PCDHA9: variants seen among roughly 807,000 people sequenced by gnomAD.
PCDHA9 encodes the protein protocadherin alpha-9.
PCDHA9 carries 62 observed loss-of-function variants against 62.0 expected under a neutral mutation model. That is an observed-to-expected ratio of 1.00 (90% CI 0.81 to 1.23). The LOEUF (loss-of-function observed/expected upper bound fraction) is 1.23. PCDHA9 is among the 50% of genes most tolerant of loss of function. The pLI is 0.00. For missense variants in PCDHA9, 1,205 were observed against 1,249.8 expected, an observed-to-expected ratio of 0.96 and a Z score of 0.54; for synonymous variants, 557 against 567.6, an observed-to-expected ratio of 0.98 and a Z score of 0.27.
chr5:140,883,534 A>G, intron 1 of PCDHA9: 1 of 1,614,196 alleles, frequency 6.2e-7, no homozygotes, highest in Non-Finnish European at 8.5e-7. Context: ...CAGCCTATGA[A>G]CTGGTGGTGA....
rs781893598 is a variant in PCDHA9, at chr5:140,850,903, G to T, written c.2394+14G>T. ...TCAACTGGGAAGGTGGGTTTTTCTA[G>T]CATTTTATTTATTTATATAATTTTT... On this transcript the variant is annotated intron_variant, in intron 1 of 3. Transcript: ENST00000532602. 6.4e-7 allele frequency: 1 copy of T among 1,560,860 alleles called. No individual in the cohort carries two copies. The highest frequency in any genetic ancestry group is 8.7e-7 in the Non-Finnish European group (1 of 1,149,432).
At chr5:140,893,575 T>C (rs930167579) in intron 1 of PCDHA9, among the ~76,000 whole-genome samples, 6 of 152,220 alleles carry the variant, frequency 3.9e-5, no homozygotes, top group Non-Finnish European at 7.3e-5. Flanking sequence ...CCTCAGTTTT[T>C]GCTTGTTTGG....
At chr5:140,970,775 C>T (rs2096433002) in intron 1 of PCDHA9, among the ~76,000 whole-genome samples, 1 of 152,160 alleles carries the variant, frequency 6.6e-6, no homozygotes, top group Non-Finnish European at 1.5e-5. Context: ...GCTGTACATA[C>T]ATATTGTATG....
chr5:140,892,993 C>T (rs2063771968), intron 1 of PCDHA9, among the ~76,000 whole-genome samples: 1 of 152,170 alleles, frequency 6.6e-6, no homozygotes, highest in Non-Finnish European at 1.5e-5. Flanking sequence ...TAAGTGAGAA[C>T]ATGTATTTAT....
intron 1 of PCDHA9, among the ~76,000 whole-genome samples, chr5:140,945,159 A>G (rs1341706509): frequency 2.0e-5 from 3 of 152,178 alleles, no homozygotes; most frequent in Non-Finnish European, 4.4e-5. Flanking sequence ...TACACTATTG[A>G]ACTATCTGAA....
Position 141,010,316 on chromosome 5 carries a change from G to T in PCDHA9, c.*379G>T. ...GGGCAGGCTGAAAAGTTTTGAGATT[G>T]AGCAGCTTGGGAGTTTGTGGCCACT... On this transcript the variant is annotated 3_prime_UTR_variant, in exon 4 of 4. Coordinates refer to ENST00000532602, the MANE Select transcript of PCDHA9 (RefSeq NM_031857.2). The T allele has an allele frequency of 1.3e-6, 2 of 1,546,404 alleles. No individual in the cohort carries two copies. The highest frequency in any genetic ancestry group is 2.4e-5 in the South Asian group (2 of 83,328).
intron 1 of PCDHA9, chr5:140,883,550 C>A: frequency 6.2e-7 from 1 of 1,614,188 alleles, no homozygotes; most frequent in Non-Finnish European, 8.5e-7. Flanking sequence ...GGTGACCGCG[C>A]GGGACGGGGG....
intron 1 of PCDHA9, among the ~76,000 whole-genome samples, chr5:140,955,670 T>C (rs1212129993): frequency 6.6e-6 from 1 of 152,140 alleles, no homozygotes; most frequent in East Asian, 1.9e-4. Flanking sequence ...TTTAACATAG[T>C]TTTTTCGAAA....
At chr5:140,857,302 G>A in intron 1 of PCDHA9, 1 of 1,598,652 alleles carries the variant, frequency 6.3e-7, no homozygotes, top group South Asian at 1.1e-5. Flanking sequence ...AGAGGGTGTC[G>A]GCCTATGAGC....
chr5:140,883,905 G>C (rs781818160), intron 1 of PCDHA9: 1 of 1,613,458 alleles, frequency 6.2e-7, no homozygotes, highest in South Asian at 1.1e-5. Flanking sequence ...CCGCCTCTGG[G>C]CAGCAACGTG....
intron 1 of PCDHA9, among the ~76,000 whole-genome samples, chr5:140,886,080 C>A (rs910230815): frequency 3.7e-4 from 56 of 152,268 alleles, no homozygotes; most frequent in African/African-American, 1.2e-3. Flanking sequence ...CATACCACAA[C>A]CTGGATATTG....
intron 1 of PCDHA9, among the ~76,000 whole-genome samples, chr5:140,947,069 T>G (rs2094080715): frequency 6.6e-6 from 1 of 151,696 alleles, no homozygotes; most frequent in Admixed American, 6.6e-5. Context: ...AGTGTATATA[T>G]GTATTGAAAC....
chr5:140,862,831 G>A (rs782083560), intron 1 of PCDHA9: 2 of 572,766 alleles, frequency 3.5e-6, no homozygotes, highest in Admixed American at 1.9e-5. Context: ...AGCGCGCGAC[G>A]CGGGCATGCC....
intron 1 of PCDHA9, among the ~76,000 whole-genome samples, chr5:140,895,783 A>G (rs750912902): frequency 2.1e-4 from 32 of 152,122 alleles, no homozygotes; most frequent in Non-Finnish European, 3.8e-4. Context: ...ATAGTATTCA[A>G]TGACGTATAT....
chr5:140,999,372 G>A (rs1029178969), intron 3 of PCDHA9, among the ~76,000 whole-genome samples: 3 of 152,188 alleles, frequency 2.0e-5, no homozygotes, highest in Non-Finnish European at 1.5e-5. Context: ...AATCCCATTA[G>A]ATGGTTATTG....
intron 1 of PCDHA9, among the ~76,000 whole-genome samples, chr5:140,956,034 A>C (rs1274584028): frequency 1.3e-5 from 2 of 152,200 alleles, no homozygotes; most frequent in Non-Finnish European, 2.9e-5. Flanking sequence ...TTATCAGCTT[A>C]AGAAGCTTTT....
intron 1 of PCDHA9, among the ~76,000 whole-genome samples, chr5:140,880,091 C>A (rs925970617): frequency 6.6e-6 from 1 of 152,106 alleles, no homozygotes; most frequent in African/African-American, 2.4e-5. Context: ...TTATAGTAGG[C>A]TTAAAATCAT....
At chr5:140,886,680 G>A (rs1554182653) in intron 1 of PCDHA9, among the ~76,000 whole-genome samples, 1 of 151,946 alleles carries the variant, frequency 6.6e-6, no homozygotes, top group Non-Finnish European at 1.5e-5. Flanking sequence ...ACAAAAATTA[G>A]CGAGGCATGG....
chr5:140,856,524 C>G, intron 1 of PCDHA9: 1 of 1,598,296 alleles, frequency 6.3e-7, no homozygotes, highest in Non-Finnish European at 8.6e-7. Context: ...GCATCTGATG[C>G]GGATGTTGGA....
Sources: gnomAD v4.1 joint callset for allele counts (sites outside exome capture counted in the v4.1 genomes callset) on GRCh38, gnomAD v4.1.1 for gene constraint, MANE v1.5 for transcripts, NCBI Gene and HGNC (gene_info 2026-07-23, HGNC 2026-07-21) for gene names.